LRRC4C: variants seen among roughly 807,000 people sequenced by gnomAD.
LRRC4C encodes the protein leucine rich repeat containing 4C.
LRRC4C carries 5 observed loss-of-function variants against 33.6 expected under a neutral mutation model. The ratio of observed to expected loss-of-function variants is 0.15; its 90% CI spans 0.08 to 0.31. LRRC4C has a LOEUF of 0.31. LRRC4C is among the 10% of genes least tolerant of loss of function. The probability of loss-of-function intolerance (pLI) is 1.00; values close to 1 mark genes in which losing one functional copy is unlikely to be tolerated. For synonymous variants in LRRC4C, 329 were observed against 302.0 expected (o/e 1.09, Z -0.93); for missense variants, 560 against 796.7 (o/e 0.70, Z 3.58).
intron 4 of LRRC4C, among the ~76,000 whole-genome samples, chr11:40,306,076 A>T (rs1241788144): frequency 6.6e-6 from 1 of 152,162 alleles, no homozygotes; most frequent in African/African-American, 2.4e-5. Flanking sequence ...TGGTGTCTCC[A>T]CCTATGTCAT....
In LRRC4C at chr11:41,245,789, G is replaced by T. The variant is rs550021717; in HGVS notation, c.-496+213642C>A. On this transcript the variant is annotated intron_variant, in intron 1 of 6. Coordinates refer to ENST00000528697, the MANE Select transcript of LRRC4C (RefSeq NM_001258419.2). ...AATGAGGTACGCGGACAAGTGGAGG[G>T]TGGAGGGTGAGCAAGGTGAAGAGGT... is the stretch of plus-strand genomic sequence containing the variant. Among the ~76,000 whole-genome samples the T allele has an allele frequency of 2.6e-5, 4 of 152,340 alleles. No individual in the cohort carries two copies. In the East Asian group the frequency reaches 7.7e-4, roughly 29 times the overall value.
At chr11:41,191,930 G>T (rs1404260116) in intron 1 of LRRC4C, among the ~76,000 whole-genome samples, 1 of 152,042 alleles carries the variant, frequency 6.6e-6, no homozygotes, top group Non-Finnish European at 1.5e-5. Context: ...TCTAATTTCG[G>T]TGCCAAAGGA....
At chr11:40,705,806 G>T (rs111525533) in intron 2 of LRRC4C, among the ~76,000 whole-genome samples, 30,066 of 151,996 alleles carry the variant, frequency 0.2, 3,373 homozygotes, top group Middle Eastern at 0.25. Flanking sequence ...GGATGAACTA[G>T]TTTACACTCC....
intron 1 of LRRC4C, among the ~76,000 whole-genome samples, chr11:41,151,047 C>G (rs929857505): frequency 1.3e-5 from 2 of 151,972 alleles, no homozygotes; most frequent in Non-Finnish European, 2.9e-5. Flanking sequence ...CACACACACA[C>G]AGCAAATACA....
chr11:40,639,483 A>G (rs1372327542), intron 3 of LRRC4C, among the ~76,000 whole-genome samples: 1 of 152,214 alleles, frequency 6.6e-6, no homozygotes, highest in Non-Finnish European at 1.5e-5. Flanking sequence ...CTGATTTTTC[A>G]GTACACCATT....
intron 1 of LRRC4C, among the ~76,000 whole-genome samples, chr11:41,048,160 G>A (rs1857919367): frequency 6.6e-6 from 1 of 151,902 alleles, no homozygotes; most frequent in Non-Finnish European, 1.5e-5. Context: ...GTAAATGAAT[G>A]AGCATGTGAA....
At chr11:41,346,326 A>G (rs76817495) in intron 1 of LRRC4C, among the ~76,000 whole-genome samples, 3,126 of 152,342 alleles carry the variant, frequency 0.021, 104 homozygotes, top group African/African-American at 0.071. Context: ...CACCCTGTGA[A>G]GACAGCAGAC....
Position 41,411,503 on chromosome 11 carries a change from C to T in LRRC4C, c.-496+47928G>A, listed in dbSNP as rs543410357. On this transcript the variant is annotated intron_variant, in intron 1 of 6. Transcript: ENST00000528697. ...AAGAGACAAAACCAATGGAGATCAA[C>T]TTGGAAAATAGAACATAACTTTAGG... 2.6e-5 allele frequency among the ~76,000 whole-genome samples: 4 copies of T among 151,976 alleles called. No homozygotes were observed. The South Asian group carries it at 8.3e-4, about 32-fold the overall frequency.
intron 3 of LRRC4C, among the ~76,000 whole-genome samples, chr11:40,621,150 C>T (rs1265489274): frequency 2.0e-5 from 3 of 151,722 alleles, no homozygotes; most frequent in South Asian, 2.1e-4. Context: ...CTGCTGTCTT[C>T]CTTGTTTTCT....
intron 3 of LRRC4C, among the ~76,000 whole-genome samples, chr11:40,329,563 A>G (rs917699074): frequency 6.6e-6 from 1 of 152,242 alleles, no homozygotes; most frequent in Admixed American, 6.5e-5. Flanking sequence ...AACCAAAGGT[A>G]GGGTTGACAG....
intron 1 of LRRC4C, among the ~76,000 whole-genome samples, chr11:40,983,088 G>A (rs1242161898): frequency 1.3e-5 from 2 of 152,246 alleles, no homozygotes; most frequent in East Asian, 1.9e-4. Flanking sequence ...TGGGCATTTA[G>A]GTTGATTCCC....
chr11:41,257,488 C>A (rs1005778903), intron 1 of LRRC4C, among the ~76,000 whole-genome samples: 23 of 151,952 alleles, frequency 1.5e-4, no homozygotes, highest in African/African-American at 5.3e-4. Context: ...TCAGTGCCTA[C>A]CTGAGTGATA....
At chr11:41,130,797 G>A (rs534947769) in intron 1 of LRRC4C, among the ~76,000 whole-genome samples, 2 of 151,898 alleles carry the variant, frequency 1.3e-5, no homozygotes, top group South Asian at 2.1e-4. Flanking sequence ...AGCAATTTAT[G>A]TGTATAATAC....
intron 1 of LRRC4C, among the ~76,000 whole-genome samples, chr11:41,137,335 A>G (rs1352342417): frequency 6.6e-6 from 1 of 152,156 alleles, no homozygotes; most frequent in Admixed American, 6.6e-5. Context: ...CCCTTAAAAG[A>G]TTCTATACCC....
In LRRC4C at chr11:40,200,872, G is replaced by C. The variant is rs188619051; in HGVS notation, c.-96+40647C>G. On this transcript the variant is annotated intron_variant, in intron 5 of 6. Transcript: ENST00000528697. ...CTGAATCAACACCACAGAATCCTTG[G>C]TAAGTCAGGTAAAGCTGAATTGCTA... 4.0e-5 allele frequency among the ~76,000 whole-genome samples: 6 copies of C among 151,712 alleles called. No homozygotes were observed. The East Asian group carries it at 1.2e-3, about 29-fold the overall frequency.
At chr11:40,965,200 C>T (rs1243125151) in intron 1 of LRRC4C, among the ~76,000 whole-genome samples, 2 of 152,098 alleles carry the variant, frequency 1.3e-5, no homozygotes, top group African/African-American at 4.8e-5. Context: ...ATCCTTCGCC[C>T]ACTTTTTGAT....
intron 2 of LRRC4C, among the ~76,000 whole-genome samples, chr11:40,837,963 C>T (rs965908107): frequency 6.6e-6 from 1 of 151,938 alleles, no homozygotes; most frequent in Non-Finnish European, 1.5e-5. Context: ...ATATTTTAGA[C>T]TTATAACAAA....
chr11:40,218,203 G>C (rs191476949), intron 5 of LRRC4C, among the ~76,000 whole-genome samples: 1 of 152,172 alleles, frequency 6.6e-6, no homozygotes, highest in Non-Finnish European at 1.5e-5. Flanking sequence ...CCTTTAGCAT[G>C]ATGACCTATA....
intron 3 of LRRC4C, among the ~76,000 whole-genome samples, chr11:40,361,651 A>G (rs1274850777): frequency 1.3e-5 from 2 of 152,182 alleles, no homozygotes; most frequent in Non-Finnish European, 2.9e-5. Context: ...GGAAGAATCA[A>G]TATTGTTAAA....
Sources: allele counts gnomAD v4.1 joint callset (sites outside exome capture counted in the v4.1 genomes callset), GRCh38; gene constraint gnomAD v4.1.1; transcripts MANE v1.5; gene names NCBI Gene and HGNC (gene_info 2026-07-23, HGNC 2026-07-21).